FBXL2: variants seen among roughly 807,000 people sequenced by gnomAD.
FBXL2 encodes F-box and leucine rich repeat protein 2.
In FBXL2, 38 loss-of-function variants were observed where a neutral mutation model predicts 69.2. The observed-to-expected ratio is 0.55, with a 90% CI of 0.42 to 0.72. FBXL2 has a LOEUF of 0.72. FBXL2 is among the 30% of genes least tolerant of loss of function. The pLI, the probability that FBXL2 is intolerant of heterozygous loss-of-function variation, is 0.00. For missense variants in FBXL2, 354 were observed against 520.3 expected (o/e 0.68, Z 3.11); for synonymous variants, 192 against 201.3 (o/e 0.95, Z 0.39).
At chr3:33,303,269 G>A (rs1485363827) in intron 2 of FBXL2, 1 of 433,698 alleles carries the variant, frequency 2.3e-6, no homozygotes, top group Admixed American at 2.5e-5. Flanking sequence ...CGCTCTCGTG[G>A]TTGTTTTTTG....
Position 33,385,610 on chromosome 3 carries a change from A to C in FBXL2, c.*2A>C, listed in dbSNP as rs778631415. 1.2e-6 allele frequency: 2 copies of C among 1,613,296 alleles called. No individual in the cohort carries two copies. Among genetic ancestry groups the C allele is most frequent in the African/African-American group, 1.3e-5 (1 of 75,000 alleles). ...TGCAGGTGCTGTGTCATTCTCTGAC[A>C]GCAGCTGCCTGGGCCCAAGGGGTGA... On this transcript the variant is annotated 3_prime_UTR_variant, in exon 15 of 15. Transcript: ENST00000484457.
chr3:33,379,062 C>T lies in FBXL2; in HGVS notation c.951+321C>T, dbSNP rs1328378663. On this transcript the variant is annotated intron_variant, in intron 13 of 14. Coordinates refer to ENST00000484457, the MANE Select transcript of FBXL2 (RefSeq NM_012157.5). ...TCACTCTATCGCCTAGGGTGGAAAG[C>T]AGTGGCACAATCTGAGCTCGCTACA... Among the ~76,000 whole-genome samples the T allele has an allele frequency of 4.0e-5, 6 of 151,676 alleles. No individual in the cohort carries two copies. In the East Asian group the frequency reaches 1.2e-3, roughly 29 times the overall value.
chr3:33,306,064 C>T lies in FBXL2; in HGVS notation c.65+8339C>T, dbSNP rs868048792. Reference sequence around the variant, plus strand: ...TGTCTCTGTAAAAATTTTTTCTTTGCGTTTTATTCTGTTTTCTTTAGCTGC... The same window carrying T: ...TGTCTCTGTAAAAATTTTTTCTTTGTGTTTTATTCTGTTTTCTTTAGCTGC... On this transcript the variant is annotated intron_variant, in intron 2 of 14. Transcript: ENST00000484457. Among the ~76,000 whole-genome samples the T allele has an allele frequency of 7.9e-5, 12 of 151,652 alleles. No individual in the cohort carries two copies. In the South Asian group the frequency reaches 8.3e-4, roughly 10 times the overall value.
At chr3:33,340,791 C>T (rs2039957209) in intron 2 of FBXL2, among the ~76,000 whole-genome samples, 1 of 148,328 alleles carries the variant, frequency 6.7e-6, no homozygotes, top group African/African-American at 2.5e-5. Context: ...CCTAGGGAGA[C>T]TGAGGCAGGA....
chr3:33,360,687 A>G (rs2154041804), intron 4 of FBXL2, among the ~76,000 whole-genome samples: 1 of 152,184 alleles, frequency 6.6e-6, no homozygotes, highest in African/African-American at 2.4e-5. Context: ...AGTGAATATA[A>G]TTGCCCTTCA....
intron 2 of FBXL2, among the ~76,000 whole-genome samples, chr3:33,321,309 CAAAAAA>C (rs996549026): frequency 2.1e-5 from 2 of 94,960 alleles, no homozygotes; most frequent in African/African-American, 8.2e-5. Flanking sequence ...GACTCCATCT[CAAAAAA>C]AAAAAGAAAA....
chr3:33,404,084 G>T (rs1195666007), downstream of FBXL2, among the ~76,000 whole-genome samples: 1 of 152,168 alleles, frequency 6.6e-6, no homozygotes, highest in African/African-American at 2.4e-5. Flanking sequence ...AACACAGTGA[G>T]ACCCTGTTTC....
At chr3:33,321,365 G>A (rs1262984464) in intron 2 of FBXL2, among the ~76,000 whole-genome samples, 1 of 150,678 alleles carries the variant, frequency 6.6e-6, no homozygotes, top group Non-Finnish European at 1.5e-5. Context: ...TGTGCAAAAA[G>A]CATTAACTAG....
Position 33,373,311 on chromosome 3 carries a change from G to A in FBXL2, c.411G>A (p.Leu137=). 6.2e-7 allele frequency: 1 copy of A among 1,614,116 alleles called. No homozygotes were observed. Among genetic ancestry groups the A allele is most frequent in the Non-Finnish European group, 8.5e-7 (1 of 1,179,972 alleles). The stretch of plus-strand genomic sequence containing the variant: ...GTTCCAAGCTGAAACATCTGGATCT[G>A]ACCTCCTGTGTGTCTATTACAAACA... ...RFCSKLKHLD[L]TSCVSITNSS... Residue 137 remains leucine, a synonymous_variant, in exon 7 of 15, where the codon CTG becomes CTA. Coordinates refer to ENST00000484457, the MANE Select transcript of FBXL2 (RefSeq NM_012157.5).
chr3:33,350,391 T>C (rs903515704), intron 2 of FBXL2, among the ~76,000 whole-genome samples: 1 of 151,686 alleles, frequency 6.6e-6, no homozygotes, highest in Non-Finnish European at 1.5e-5. Flanking sequence ...ACTTCCTGAT[T>C]TGATAAAGAA....
chr3:33,312,591 A>G (rs1023296660), intron 2 of FBXL2, among the ~76,000 whole-genome samples: 6 of 152,206 alleles, frequency 3.9e-5, no homozygotes, highest in African/African-American at 1.2e-4. Context: ...TGGGAAGGCT[A>G]TCTGGCTTCC....
At chr3:33,298,102 A>G (rs2035911502) in intron 2 of FBXL2, 2 of 244,876 alleles carry the variant, frequency 8.2e-6, no homozygotes, top group Non-Finnish European at 1.6e-5. Context: ...TTTCAGACAA[A>G]TGAGTTTTAA....
intron 9 of FBXL2, among the ~76,000 whole-genome samples, chr3:33,374,720 CTGTT>C (rs766880848): frequency 9.9e-5 from 15 of 152,156 alleles, no homozygotes; most frequent in African/African-American, 1.9e-4. Context: ...ATGAAGTAGT[CTGTT>C]TAAGTGAACA....
In FBXL2 at chr3:33,387,075, T is replaced by C. The variant is rs1559656451; in HGVS notation, c.*1467T>C. On this transcript the variant is annotated 3_prime_UTR_variant, in exon 15 of 15. Coordinates refer to ENST00000484457, the MANE Select transcript of FBXL2 (RefSeq NM_012157.5). ...TCCCCATAAACGGACTTAGCACAAT[T>C]ATCATCAGAGTAAGCATTAAAGTCA... The C allele has an allele frequency of 2.6e-5, 4 of 152,212 alleles. No homozygotes were observed. The South Asian group carries it at 8.3e-4, about 32-fold the overall frequency. 9.4% of individuals were successfully genotyped at this position (152,212 alleles called of 1,614,324 possible).
intron 2 of FBXL2, among the ~76,000 whole-genome samples, chr3:33,348,011 A>C (rs2040568549): frequency 6.6e-6 from 1 of 152,060 alleles, no homozygotes; most frequent in African/African-American, 2.4e-5. Context: ...TGCTGTGCAG[A>C]AGCTTTTTAA....
At chr3:33,419,680 C>T in the FBXL2 span, among the ~76,000 whole-genome samples, 2 of 151,106 alleles carry the variant, frequency 1.3e-5, no homozygotes, top group Admixed American at 1.3e-4. Context: ...ACACTTGCTA[C>T]GCTTAAAGTG....
At chr3:33,309,434 C>T in intron 2 of FBXL2, among the ~76,000 whole-genome samples, 1 of 152,012 alleles carries the variant, frequency 6.6e-6, no homozygotes, top group East Asian at 1.9e-4. Flanking sequence ...GCTACTCTGT[C>T]TCTCTTTTTG....
chr3:33,381,294 T>C (rs2043040091), intron 13 of FBXL2, among the ~76,000 whole-genome samples: 1 of 152,250 alleles, frequency 6.6e-6, no homozygotes, highest in African/African-American at 2.4e-5. Flanking sequence ...CTCCATCATC[T>C]TTCTCCAATC....
At chr3:33,348,205 G>A (rs577028298) in intron 2 of FBXL2, among the ~76,000 whole-genome samples, 84 of 152,070 alleles carry the variant, frequency 5.5e-4, no homozygotes, top group Non-Finnish European at 9.0e-4. Flanking sequence ...TTTGTATATG[G>A]TGAGAGATAG....
Sources: gnomAD v4.1 joint callset for allele counts (sites outside exome capture counted in the v4.1 genomes callset) on GRCh38, gnomAD v4.1.1 for gene constraint, MANE v1.5 for transcripts, NCBI Gene and HGNC (gene_info 2026-07-23, HGNC 2026-07-21) for gene names.